The following ASXL2 variants were observed in gnomAD, a reference collection of about 807,000 sequenced individuals.
ASXL2 encodes the protein putative Polycomb group protein ASXL2.
A neutral mutation model predicts 122.0 loss-of-function variants in ASXL2; 23 were observed. The observed-to-expected ratio is 0.19, with a 90% CI of 0.14 to 0.27. ASXL2 has a LOEUF of 0.27. Among genes scored for constraint, ASXL2 ranks in the 10% least tolerant of loss-of-function variants. ASXL2 has a pLI of 1.00. For missense variants in ASXL2, 1,518 were observed against 1,713.8 expected, an observed-to-expected ratio of 0.89 and a Z score of 2.02; for synonymous variants, 650 against 637.0, an observed-to-expected ratio of 1.02 and a Z score of -0.31.
intron 8 of ASXL2, 35 bp downstream of exon 8, chr2:25,767,548 G>T (rs989754001): frequency 1.3e-6 from 2 of 1,594,490 alleles, no homozygotes; most frequent in Non-Finnish European, 1.7e-6. Context: ...ATAAATCATG[G>T]CAATGAAAAC....
At position 25,799,543 on chromosome 2, in the gene ASXL2, T is replaced by C. The variant is rs1574422599; in HGVS notation, c.253-8A>G. 3 of 1,608,294 alleles carry C rather than the reference T, an allele frequency of 1.9e-6. No individual in the cohort carries two copies. Among genetic ancestry groups the C allele is most frequent in the Admixed American group, 1.7e-5 (1 of 58,948 alleles). On this transcript the variant is annotated splice_region_variant and splice_polypyrimidine_tract_variant and intron_variant, in intron 4 of 12. Transcript: ENST00000435504. ...CCCATCCGGCACATCTTTCTGAAAA[T>C]GTAGGCATCCAATTAGGATTAATCA...
At chr2:25,838,836 T>G (rs1435322758) in intron 2 of ASXL2, among the ~76,000 whole-genome samples, 1 of 152,214 alleles carries the variant, frequency 6.6e-6, no homozygotes, top group African/African-American at 2.4e-5. Context: ...GTAACTGAAG[T>G]ATACCGTCAA....
chr2:25,814,068 A>G (rs1420424323), intron 3 of ASXL2, among the ~76,000 whole-genome samples: 5 of 152,204 alleles, frequency 3.3e-5, no homozygotes, highest in Non-Finnish European at 5.9e-5. Context: ...AAAAATAAAA[A>G]AAAAAGAATA....
At chr2:25,848,458 T>C (rs891552954) in intron 1 of ASXL2, among the ~76,000 whole-genome samples, 1 of 151,762 alleles carries the variant, frequency 6.6e-6, no homozygotes, top group Non-Finnish European at 1.5e-5. Flanking sequence ...CTGTCTCTAC[T>C]AAAAATACAA....
chr2:25,778,473 G>A (rs544156826), intron 5 of ASXL2, among the ~76,000 whole-genome samples: 1 of 152,312 alleles, frequency 6.6e-6, no homozygotes, highest in East Asian at 1.9e-4. Context: ...CTGGCATTCA[G>A]AACTGAGAAT....
chr2:25,765,341 C>G (rs1481045798), intron 8 of ASXL2, among the ~76,000 whole-genome samples: 1 of 151,946 alleles, frequency 6.6e-6, no homozygotes, highest in Non-Finnish European at 1.5e-5. Context: ...AAAAAATTAG[C>G]CGGGCGTGGT....
chr2:25,839,231 G>C (rs72801866), intron 2 of ASXL2, among the ~76,000 whole-genome samples: 1 of 152,106 alleles, frequency 6.6e-6, no homozygotes, highest in Non-Finnish European at 1.5e-5. Context: ...ACAGAAATTA[G>C]GTTATATTTT....
Position 25,799,553 on chromosome 2 carries a change from C to G in ASXL2, c.253-18G>C, listed in dbSNP as rs914677713. 2.5e-6 allele frequency: 4 copies of G among 1,602,838 alleles called. No homozygotes were observed. The highest frequency in any genetic ancestry group is 1.3e-5 in the African/African-American group (1 of 74,386). Reference sequence around the variant, plus strand: ...ACATCTTTCTGAAAATGTAGGCATCCAATTAGGATTAATCATTACCATTTA... The same window carrying G: ...ACATCTTTCTGAAAATGTAGGCATCGAATTAGGATTAATCATTACCATTTA... On this transcript the variant is annotated intron_variant, in intron 4 of 12. Transcript: ENST00000435504.
At chr2:25,745,553 C>T (rs1324392111) in intron 12 of ASXL2, among the ~76,000 whole-genome samples, 2 of 140,238 alleles carry the variant, frequency 1.4e-5, no homozygotes, top group African/African-American at 5.4e-5. Flanking sequence ...GAGGGAGCCT[C>T]CAGCTCAAAA....
chr2:25,812,163 C>CA (rs70950124), intron 3 of ASXL2, among the ~76,000 whole-genome samples: 42,712 of 138,534 alleles, frequency 0.31, 6,418 homozygotes, highest in Non-Finnish European at 0.33. Flanking sequence ...ATAATTATTT[C>CA]AAAAAAAAAA....
chr2:25,858,717 G>A (rs1255535265), intron 1 of ASXL2, among the ~76,000 whole-genome samples: 3 of 140,762 alleles, frequency 2.1e-5, no homozygotes, highest in East Asian at 4.1e-4. Context: ...GCGAGACCCC[G>A]CCTCAAAAAA....
Position 25,740,329 on chromosome 2 carries a change from T to G in ASXL2, c.*1700A>C, listed in dbSNP as rs1036297268. The G allele has an allele frequency of 6.2e-5, 14 of 224,102 alleles. No individual in the cohort carries two copies. The highest frequency in any genetic ancestry group is 2.9e-4 in the African/African-American group (13 of 44,830). The allele number at this position is 224,102 out of a possible 1,614,324, so 13.9% of individuals were successfully genotyped here. A position where few individuals can be genotyped will look rare whatever the true frequency, so the allele number is the denominator to read the frequency against. ...AGAATGGGGGCAAAACAGAGATGAT[T>G]ATTGCCCATTTTCTCCTAATCTGGA... is the stretch of plus-strand genomic sequence containing the variant. On this transcript the variant is annotated 3_prime_UTR_variant, in exon 13 of 13. Coordinates refer to ENST00000435504, the MANE Select transcript of ASXL2 (RefSeq NM_018263.6).
At chr2:25,873,243 C>T (rs72803609) in intron 1 of ASXL2, among the ~76,000 whole-genome samples, 6,470 of 152,028 alleles carry the variant, frequency 0.043, 215 homozygotes, top group African/African-American at 0.081. Context: ...AAAAATCTAC[C>T]GTTTTACTTT....
In ASXL2 at chr2:25,806,322, A is replaced by C. The variant is rs369296913; in HGVS notation, c.159T>G (p.Leu53=). The C allele has an allele frequency of 2.7e-5, 43 of 1,611,506 alleles. No homozygotes were observed. The African/African-American group carries it at 4.9e-4, about 18-fold the overall frequency. The change falls in exon 4 of 13, where the codon CTT becomes CTG. Residue 53 remains leucine (L), a synonymous_variant. Coordinates refer to ENST00000435504, the MANE Select transcript of ASXL2 (RefSeq NM_018263.6). Reference sequence around the variant, plus strand: ...TGTGAAGCATTGCATTCAGGCATGCAAGAGGAGAAGTCCCACTGCAAAACA... The same window carrying C: ...TGTGAAGCATTGCATTCAGGCATGCCAGAGGAGAAGTCCCACTGCAAAACA... ...LKEIRSGTSP[L]ACLNAMLHTN... is the part of the protein sequence containing the mutation.
rs777054233 is a variant in ASXL2, at chr2:25,743,208, C to T, written c.3129G>A (p.Glu1043=). 1 of 1,613,888 alleles carries T rather than the reference C, an allele frequency of 6.2e-7. No homozygotes were observed. The highest frequency in any genetic ancestry group is 8.5e-7 in the Non-Finnish European group (1 of 1,179,812). ...PRPLQLFSAK[E]LRDSSIDTHQ... ...GTGTGTCAATGCTGGAGTCCCTCAG[C>T]TCCTTAGCTGAAAAGAGCTGAAGGG... is the stretch of plus-strand genomic sequence containing the variant. Residue 1043 remains glutamate (E), a synonymous_variant, in exon 13 of 13, where the codon GAG becomes GAA. Transcript: ENST00000435504.
rs1414800129 is a variant in ASXL2, at chr2:25,782,420, C to T, written c.404-10880G>A. Among the ~76,000 whole-genome samples, 4 of 151,916 alleles carry T rather than the reference C, an allele frequency of 2.6e-5. No individual in the cohort carries two copies. The East Asian group carries it at 5.8e-4, about 22-fold the overall frequency. On this transcript the variant is annotated intron_variant, in intron 5 of 12. Transcript: ENST00000435504. ...AATTAGCCGGGCGTGGTGACATGCG[C>T]CTGTAATCCCAACTACTCAGGAAGC...
intron 9 of ASXL2, among the ~76,000 whole-genome samples, chr2:25,757,717 T>C (rs2088161880): frequency 7.2e-6 from 1 of 138,328 alleles, no homozygotes; most frequent in Admixed American, 7.2e-5. Context: ...CCCCCCAGGA[T>C]TGCACTCTAT....
chr2:25,738,847 T>C lies in ASXL2; in HGVS notation c.*3182A>G, dbSNP rs2087779754. On this transcript the variant is annotated 3_prime_UTR_variant, in exon 13 of 13. Transcript: ENST00000435504. ...ATAAGTATGCTCTCTCCACCCCAAG[T>C]TTCCCATTTGCCAGCTCTTATTCTT... is the stretch of plus-strand genomic sequence containing the variant. 1 of 152,160 alleles carries C rather than the reference T, an allele frequency of 6.6e-6. No homozygotes were observed. Among genetic ancestry groups the C allele is most frequent in the Non-Finnish European group, 1.5e-5 (1 of 68,034 alleles). 9.4% of individuals were successfully genotyped at this position (152,160 alleles called of 1,614,324 possible).
At chr2:25,815,016 A>G (rs1165870012) in intron 3 of ASXL2, among the ~76,000 whole-genome samples, 1 of 152,200 alleles carries the variant, frequency 6.6e-6, no homozygotes, top group Non-Finnish European at 1.5e-5. Flanking sequence ...CAGAGTCAAG[A>G]TTCAGTAACT....
Sources: allele counts gnomAD v4.1 joint callset (sites outside exome capture counted in the v4.1 genomes callset), GRCh38; gene constraint gnomAD v4.1.1; transcripts MANE v1.5; gene names NCBI Gene and HGNC (gene_info 2026-07-23, HGNC 2026-07-21).